Variants in RPS6KA2 observed in about 807,000 individuals in gnomAD.
RPS6KA2 encodes ribosomal protein S6 kinase alpha-2.
A neutral mutation model predicts 91.8 loss-of-function variants in RPS6KA2; 42 were observed. That is an observed-to-expected ratio of 0.46 (90% CI 0.36 to 0.59). RPS6KA2 has a LOEUF of 0.59. RPS6KA2 is among the 20% of genes least tolerant of loss of function. The pLI is 0.00. For missense variants in RPS6KA2, 798 were observed against 978.5 expected (o/e 0.82, Z 2.46); for synonymous variants, 414 against 393.6 (o/e 1.05, Z -0.61).
rs1779241272 is a variant in RPS6KA2, at chr6:166,434,791, A to T, written c.1333-2301T>A. 6.6e-6 allele frequency among the ~76,000 whole-genome samples: 1 copy of T among 152,200 alleles called. No individual in the cohort carries two copies. The highest frequency in any genetic ancestry group is 2.1e-4 in the South Asian group (1 of 4,820). On this transcript the variant is annotated intron_variant, in intron 14 of 20. Coordinates refer to ENST00000265678, the MANE Select transcript of RPS6KA2 (RefSeq NM_021135.6). This position sits in a 1 kb window ranked among gnomAD's most constrained non-coding sequence, Gnocchi z 4.4. Reference sequence around the variant, plus strand: ...TTCTCCACCGCCACGGACCATCTTCAAGATACAAGGAGTAAAAAAGGCCGA... The same window carrying T: ...TTCTCCACCGCCACGGACCATCTTCTAGATACAAGGAGTAAAAAAGGCCGA...
Position 166,459,405 on chromosome 6 carries a change from A to G in RPS6KA2, c.1075+44T>C, listed in dbSNP as rs1780200312. On this transcript the variant is annotated intron_variant, in intron 12 of 20. Coordinates refer to ENST00000265678, the MANE Select transcript of RPS6KA2 (RefSeq NM_021135.6). The surrounding 1 kb of genome is among the most constrained non-coding windows in gnomAD (Gnocchi z 4.9). Reference sequence around the variant, plus strand: ...CCTAGATATCTGTCTCTAAGGGGTCAGGTGGGAGAAGCCACCGATAGAGGG... The same window carrying G: ...CCTAGATATCTGTCTCTAAGGGGTCGGGTGGGAGAAGCCACCGATAGAGGG... The G allele has an allele frequency of 3.3e-6, 4 of 1,215,226 alleles. No individual in the cohort carries two copies. Among genetic ancestry groups the G allele is most frequent in the Non-Finnish European group, 1.2e-6 (1 of 822,716 alleles). The allele number at this position is 1,215,226 out of a possible 1,614,324, so 75.3% of individuals were successfully genotyped here.
chr6:166,629,953 G>C (rs867569034), upstream of RPS6KA2, among the ~76,000 whole-genome samples: 1 of 152,014 alleles, frequency 6.6e-6, no homozygotes, highest in South Asian at 2.1e-4. Flanking sequence ...TCTTATGGAA[G>C]AGAAGGTGAG....
chr6:166,790,648 T>G (rs1099639), intron 2 of RPS6KA2, among the ~76,000 whole-genome samples: 127,695 of 152,128 alleles, frequency 0.84, 53,822 homozygotes, highest in East Asian at 0.98. Flanking sequence ...AAGCCCATCA[T>G]ACTAACAGCG....
intron 2 of RPS6KA2, among the ~76,000 whole-genome samples, chr6:166,730,499 T>C (rs1432384463): frequency 1.3e-5 from 2 of 152,240 alleles, no homozygotes; most frequent in African/African-American, 4.8e-5. Context: ...GACATGACAC[T>C]GTCATTCATA....
chr6:166,679,390 G>C (rs1211779118), intron 2 of RPS6KA2, among the ~76,000 whole-genome samples: 1 of 152,048 alleles, frequency 6.6e-6, no homozygotes, highest in Non-Finnish European at 1.5e-5. Context: ...CTTGAACCTG[G>C]GAGGTGGAGG....
At chr6:166,415,108 T>TTGAATTACTCATTAGAA in intron 19 of RPS6KA2, among the ~76,000 whole-genome samples, 1 of 152,180 alleles carries the variant, frequency 6.6e-6, no homozygotes, top group East Asian at 1.9e-4. Context: ...GAATGTGAAG[T>TTGAATTACTCATTAGAA]TGAATTACTC....
At chr6:166,638,381 A>T (rs539294534) in intron 2 of RPS6KA2, among the ~76,000 whole-genome samples, 1 of 152,254 alleles carries the variant, frequency 6.6e-6, no homozygotes, top group Non-Finnish European at 1.5e-5. Context: ...AGGAGATAAA[A>T]GCAAGATATG....
At chr6:166,647,979 C>G (rs964313657) in intron 2 of RPS6KA2, among the ~76,000 whole-genome samples, 3 of 104,158 alleles carry the variant, frequency 2.9e-5, no homozygotes, top group African/African-American at 1.3e-4. Flanking sequence ...TACACACATG[C>G]TCACACACAC....
chr6:166,689,336 A>G (rs570145331), intron 2 of RPS6KA2, among the ~76,000 whole-genome samples: 2 of 152,398 alleles, frequency 1.3e-5, no homozygotes, highest in Non-Finnish European at 2.9e-5. Flanking sequence ...GCACTCCTGC[A>G]GCGTTAGCAG....
At chr6:166,679,260 C>T (rs1219499503) in intron 2 of RPS6KA2, among the ~76,000 whole-genome samples, 1 of 151,754 alleles carries the variant, frequency 6.6e-6, no homozygotes, top group Non-Finnish European at 1.5e-5. Context: ...TCGAGACCAG[C>T]CTGGCCAAGA....
At chr6:166,731,943 G>A (rs780161945) in intron 2 of RPS6KA2, among the ~76,000 whole-genome samples, 2 of 152,180 alleles carry the variant, frequency 1.3e-5, no homozygotes, top group African/African-American at 2.4e-5. Context: ...AGCCTGATTT[G>A]TTCTTTAGTC....
chr6:166,634,322 A>C (rs1787168667), intron 2 of RPS6KA2, among the ~76,000 whole-genome samples: 1 of 152,188 alleles, frequency 6.6e-6, no homozygotes, highest in Non-Finnish European at 1.5e-5. Flanking sequence ...AACTTGCCGC[A>C]GACCCACGGG....
At chr6:166,762,995 G>A (rs761661658) in intron 2 of RPS6KA2, among the ~76,000 whole-genome samples, 13 of 152,212 alleles carry the variant, frequency 8.5e-5, no homozygotes, top group Non-Finnish European at 1.5e-4. Flanking sequence ...TCCTCAATGC[G>A]TGGATAGCAA....
chr6:166,740,657 C>G (rs1790787241), intron 2 of RPS6KA2, among the ~76,000 whole-genome samples: 1 of 152,334 alleles, frequency 6.6e-6, no homozygotes, highest in Admixed American at 6.5e-5. Flanking sequence ...ATAGAAAACT[C>G]TTTGAAGATG....
chr6:166,824,814 T>C (rs1780005541), intron 2 of RPS6KA2, among the ~76,000 whole-genome samples: 2 of 11,732 alleles, frequency 1.7e-4, no homozygotes, highest in African/African-American at 3.1e-4. Context: ...TCTATGTGTG[T>C]CTGTGTGTGT....
intron 1 of RPS6KA2, among the ~76,000 whole-genome samples, chr6:166,580,413 G>A (rs1219590294): frequency 1.3e-5 from 2 of 152,200 alleles, no homozygotes; most frequent in Non-Finnish European, 2.9e-5. Flanking sequence ...GGGCCACCCT[G>A]GAAGAAGCAG....
At chr6:166,594,708 C>T (rs1042679967) in intron 1 of RPS6KA2, among the ~76,000 whole-genome samples, 7 of 152,112 alleles carry the variant, frequency 4.6e-5, no homozygotes, top group African/African-American at 7.2e-5. Context: ...GTGATCCGCC[C>T]GCCTCGGCCT....
intron 2 of RPS6KA2, among the ~76,000 whole-genome samples, chr6:166,779,666 T>A (rs1019781499): frequency 6.6e-6 from 1 of 152,174 alleles, no homozygotes; most frequent in Non-Finnish European, 1.5e-5. Context: ...TTGCTCTGTG[T>A]CCTTAGGTGA....
rs780819665 is a variant in RPS6KA2 at position 166,783,847 on chromosome 6, T to TA, written c.123+74352dup. On this transcript the variant is annotated intron_variant, in intron 2 of 21. Coordinates refer to the RPS6KA2 transcript ENST00000503859. ...ATATGCACACGTGCACACCTATCTA[T>TA]ACCACATATGCACACGTGCACACCT... is the stretch of plus-strand genomic sequence containing the variant. Among the ~76,000 whole-genome samples, 10 of 50,010 alleles carry TA rather than the reference T, an allele frequency of 2.0e-4. 1 individual carries two copies. In the South Asian group the frequency reaches 3.4e-3, roughly 17 times the overall value. 32.8% of individuals were successfully genotyped at this position (50,010 alleles called of 152,430 possible).
Sources: gnomAD v4.1 joint callset for allele counts (sites outside exome capture counted in the v4.1 genomes callset) on GRCh38, gnomAD v4.1.1 for gene constraint, Gnocchi (gnomAD v3.1) non-coding constraint, MANE v1.5 for transcripts, NCBI Gene and HGNC (gene_info 2026-07-23, HGNC 2026-07-21) for gene names.